The following CENPE variants were observed in gnomAD, a reference collection of about 807,000 sequenced individuals.
The protein encoded by CENPE is centromere protein E.
A neutral mutation model predicts 336.1 loss-of-function variants in CENPE; 145 were observed. The ratio of observed to expected loss-of-function variants is 0.43; its 90% confidence interval spans 0.38 to 0.50. CENPE has a LOEUF of 0.50. Among genes scored for constraint, CENPE ranks in the 20% least tolerant of loss-of-function variants. The pLI is 0.00. For missense variants in CENPE, 2,719 were observed against 3,023.3 expected (o/e 0.90, Z 2.36); for synonymous variants, 1,013 against 984.8 (o/e 1.03, Z -0.54).
At chr4:103,157,124 T>C (rs775044164) in intron 24 of CENPE, among the ~76,000 whole-genome samples, 1 of 150,160 alleles carries the variant, frequency 6.7e-6, no homozygotes, top group African/African-American at 2.4e-5. Context: ...ACCAGAACAC[T>C]TCTGTCCTGT....
In CENPE at chr4:103,120,225, T is replaced by G; in HGVS notation, c.7252A>C (p.Ile2418Leu). The G allele has an allele frequency of 6.2e-7, 1 of 1,612,794 alleles. No individual in the cohort carries two copies. The highest frequency in any genetic ancestry group is 1.1e-5 in the South Asian group (1 of 90,852). Reference protein sequence around the residue: ...QKELEVTNDIIAKLQAKVHES... With the variant: ...QKELEVTNDILAKLQAKVHES... ...TGAACTTTGGCTTGAAGTTTTGCTA[T>G]TATGTCATTAGTCACCTCAAGTTCT... The change falls in exon 44 of 49, where the codon ATA becomes CTA. Residue 2418 changes from isoleucine (I) to leucine (L), a missense_variant. By Grantham distance (5) the Ile-to-Leu change is conservative. Coordinates refer to ENST00000265148, the MANE Select transcript of CENPE (RefSeq NM_001813.3).
At position 103,180,869 on chromosome 4, in the gene CENPE, C is replaced by A. The variant is rs971406096; in HGVS notation, c.1084-400G>T. Among the ~76,000 whole-genome samples the A allele has an allele frequency of 3.6e-4, 54 of 152,078 alleles. 1 individual carries two copies. The highest frequency in any genetic ancestry group is 6.5e-4 in the Non-Finnish European group (44 of 67,944). On this transcript the variant is annotated intron_variant, in intron 12 of 48. Coordinates refer to ENST00000265148, the MANE Select transcript of CENPE (RefSeq NM_001813.3). ...CTCATTTTAAAAAAGATCCTTAATG[C>A]GTGATTTTTTACAAAATATGGGACC...
chr4:103,129,504 C>T (rs1044558003), intron 42 of CENPE, among the ~76,000 whole-genome samples: 4 of 151,932 alleles, frequency 2.6e-5, no homozygotes, highest in South Asian at 2.1e-4. Flanking sequence ...TTTGGGAGGC[C>T]GAGGTGGGTG....
At chr4:103,153,300 C>A (rs1208825739) in intron 24 of CENPE, 50 bp from the exon 25 acceptor site, 17 of 1,260,448 alleles carry the variant, frequency 1.3e-5, no homozygotes, top group Non-Finnish European at 1.9e-5. Flanking sequence ...TTAACAACAA[C>A]TTTAAAAAAT....
chr4:103,194,548 G>A, intron 6 of CENPE, 55 bp downstream of exon 6: 1 of 1,495,448 alleles, frequency 6.7e-7, no homozygotes, highest in Non-Finnish European at 9.2e-7. Context: ...AAACGTGCTT[G>A]ATTGAAAAGA....
rs371226626 is a variant in CENPE at position 103,180,358 on chromosome 4, G to C, written c.1195C>G (p.Arg399Gly). The C allele has an allele frequency of 6.2e-7, 1 of 1,613,022 alleles. No homozygotes were observed. The highest frequency in any genetic ancestry group is 2.2e-5 in the East Asian group (1 of 44,806). The stretch of plus-strand genomic sequence containing the variant: ...AGGGAAGAAGAGGTCACCAGCATCC[G>C]TGTTAAGTTTTCAATTTTCTCATTC... ...VQNEKIENLT[R>G]MLVTSSSLTL... The change falls in exon 13 of 49, where the codon CGG becomes GGG. Residue 399 changes from arginine (R) to glycine (G), a missense_variant. Coordinates refer to ENST00000265148, the MANE Select transcript of CENPE (RefSeq NM_001813.3).
chr4:103,150,907 T>A (rs1024716314), intron 26 of CENPE, among the ~76,000 whole-genome samples: 2 of 152,240 alleles, frequency 1.3e-5, no homozygotes, highest in Admixed American at 6.5e-5. Context: ...TTGACTAATA[T>A]ATCTCAAGTG....
At chr4:103,119,031 G>A (rs1293330044) in intron 44 of CENPE, among the ~76,000 whole-genome samples, 1 of 151,944 alleles carries the variant, frequency 6.6e-6, no homozygotes, top group Admixed American at 6.6e-5. Flanking sequence ...CATCTTACTG[G>A]TGTGACATTC....
At chr4:103,171,813 A>G (rs890463861) in intron 16 of CENPE, among the ~76,000 whole-genome samples, 1 of 151,948 alleles carries the variant, frequency 6.6e-6, no homozygotes, top group African/African-American at 2.4e-5. Flanking sequence ...AGGAGACATT[A>G]CAATTGATAC....
intron 43 of CENPE, among the ~76,000 whole-genome samples, chr4:103,122,045 G>A (rs571078109): frequency 1.6e-4 from 25 of 152,056 alleles, no homozygotes; most frequent in African/African-American, 4.8e-4. Flanking sequence ...TATTTTCTTT[G>A]GTCATTGAAG....
At chr4:103,169,630 G>A (rs2125993914) in intron 16 of CENPE, among the ~76,000 whole-genome samples, 1 of 152,102 alleles carries the variant, frequency 6.6e-6, no homozygotes, top group South Asian at 2.1e-4. Context: ...TAAAAAGTCA[G>A]GAAACAGATG....
chr4:103,114,659 G>A (rs1291827402), intron 45 of CENPE, 107 bp from the exon 46 acceptor site: 2 of 682,736 alleles, frequency 2.9e-6, no homozygotes, highest in Non-Finnish European at 5.1e-6. Flanking sequence ...TTGACATAAT[G>A]CCTGTAAGTG....
intron 44 of CENPE, 29 bp from the exon 45 acceptor site, chr4:103,116,718 AATT>A: frequency 8.2e-7 from 1 of 1,219,974 alleles, no homozygotes; most frequent in Non-Finnish European, 1.2e-6. Context: ...AAATAAAAAT[AATT>A]ATTAGAGGCG....
Position 103,161,323 on chromosome 4 carries a change from A to T in CENPE, c.1965+12T>A. 1.2e-6 allele frequency: 2 copies of T among 1,607,066 alleles called. No individual in the cohort carries two copies. Among genetic ancestry groups the T allele is most frequent in the Non-Finnish European group, 1.7e-6 (2 of 1,177,612 alleles). Reference sequence around the variant, plus strand: ...CAACTACTTTATTATAAATATTACAAAAAATACTTACCATTTTCTCCTTCA... The same window carrying T: ...CAACTACTTTATTATAAATATTACATAAAATACTTACCATTTTCTCCTTCA... On this transcript the variant is annotated intron_variant, in intron 19 of 48. Coordinates refer to ENST00000265148, the MANE Select transcript of CENPE (RefSeq NM_001813.3).
In CENPE at chr4:103,136,208, A is replaced by G. The variant is rs376213175; in HGVS notation, c.6455T>C (p.Ile2152Thr). ...CTGGTTTGCAGTAAAAAGTTTTTCA[A>G]TGTGTTTGGTTTGTAAATAGGGAAG... ...LSLPYLQTKH[I>T]EKLFTANQRC... Residue 2152 changes from isoleucine (I) to threonine (T), a missense_variant, in exon 40 of 49, where the codon ATT (isoleucine) becomes ACT (threonine). Physicochemically the swap from Ile to Thr is moderately conservative, Grantham distance 89. Transcript: ENST00000265148. 119 of 1,613,726 alleles carry G rather than the reference A, an allele frequency of 7.4e-5. No individual in the cohort carries two copies. Among genetic ancestry groups the G allele is most frequent in the Non-Finnish European group, 9.2e-5 (108 of 1,179,852 alleles).
intron 43 of CENPE, among the ~76,000 whole-genome samples, chr4:103,120,892 C>T (rs916431539): frequency 3.3e-5 from 5 of 152,070 alleles, no homozygotes; most frequent in South Asian, 4.2e-4. Context: ...TGTGCCACCA[C>T]GCCTAGCTAA....
chr4:103,138,302 T>G, intron 39 of CENPE, 49 bp downstream of exon 39: 1 of 1,307,630 alleles, frequency 7.6e-7, no homozygotes, highest in South Asian at 1.2e-5. Context: ...TCGGTAAGCC[T>G]TTGGAAGACA....
intron 47 of CENPE, 70 bp downstream of exon 47, chr4:103,110,758 C>T: frequency 2.5e-6 from 3 of 1,212,156 alleles, no homozygotes; most frequent in Non-Finnish European, 3.4e-6. Flanking sequence ...AAAATACGTG[C>T]ATATACCATG....
chr4:103,170,115 A>T (rs1338741295), intron 16 of CENPE, among the ~76,000 whole-genome samples: 1 of 152,116 alleles, frequency 6.6e-6, no homozygotes, highest in Non-Finnish European at 1.5e-5. Context: ...GGGGAACATC[A>T]CACACTGGGG....
Sources: allele counts gnomAD v4.1 joint callset (sites outside exome capture counted in the v4.1 genomes callset), GRCh38; gene constraint gnomAD v4.1.1; transcripts MANE v1.5; gene names NCBI Gene and HGNC (gene_info 2026-07-23, HGNC 2026-07-21).